The following PCNX1 variants were observed in gnomAD, a reference collection of about 807,000 sequenced individuals.
PCNX1 encodes the protein pecanex 1.
A neutral mutation model predicts 242.2 loss-of-function variants in PCNX1; 78 were observed. The ratio of observed to expected loss-of-function variants is 0.32; its 90% CI spans 0.27 to 0.39. The LOEUF is 0.39. Ranked by LOEUF, PCNX1 falls within the 10% of genes least tolerant of loss-of-function variation. The pLI, the probability that PCNX1 is intolerant of heterozygous loss-of-function variation, is 1.00. For missense variants in PCNX1, 2,581 were observed against 2,856.5 expected (o/e 0.90, Z 2.20); for synonymous variants, 1,024 against 1,032.9 (o/e 0.99, Z 0.17).
chr14:71,033,398 A>C (rs763472867), intron 16 of PCNX1, 31 bp from the exon 17 acceptor site: 1 of 1,059,828 alleles, frequency 9.4e-7, no homozygotes, highest in South Asian at 1.3e-5. Context: ...AATTAGAAGC[A>C]TATTATTCTG....
chr14:70,922,587 A>G (rs1334722969), intron 1 of PCNX1, among the ~76,000 whole-genome samples: 1 of 152,138 alleles, frequency 6.6e-6, no homozygotes, highest in Non-Finnish European at 1.5e-5. Context: ...GGTAGTGTAT[A>G]TATACAAACA....
intron 1 of PCNX1, among the ~76,000 whole-genome samples, chr14:70,931,723 A>G (rs1194544976): frequency 6.6e-6 from 1 of 152,244 alleles, no homozygotes; most frequent in Non-Finnish European, 1.5e-5. Flanking sequence ...CGCAATAAAT[A>G]TGCTAGTGGT....
At chr14:70,925,568 C>CTTTTTTTTT (rs71305848) in intron 1 of PCNX1, among the ~76,000 whole-genome samples, 6 of 106,912 alleles carry the variant, frequency 5.6e-5, no homozygotes, top group Non-Finnish European at 7.5e-5. Context: ...CTTACCTCAT[C>CTTTTTTTTT]TTTTTTTTTT....
At position 71,078,975 on chromosome 14, in the gene PCNX1, T is replaced by C. The variant is rs146672661; in HGVS notation, c.5337+2556T>C. On this transcript the variant is annotated intron_variant, in intron 28 of 35. Transcript: ENST00000304743. ...ATCAACCTGTCATCTACATTAGGTA[T>C]TTCTCCTAAGCTATGCCTCCCATAG... is the stretch of plus-strand genomic sequence containing the variant. Among the ~76,000 whole-genome samples, 399 of 152,234 alleles carry C rather than the reference T, an allele frequency of 2.6e-3. 1 individual carries two copies. Among genetic ancestry groups the C allele is most frequent in the African/African-American group, 9.2e-3 (382 of 41,526 alleles).
chr14:71,058,824 C>T (rs1286059848), intron 26 of PCNX1, among the ~76,000 whole-genome samples: 1 of 152,188 alleles, frequency 6.6e-6, no homozygotes, highest in Non-Finnish European at 1.5e-5. Flanking sequence ...CATTCATATT[C>T]TCTTTTCCTT....
At chr14:70,972,284 T>C (rs2058564857) in intron 5 of PCNX1, among the ~76,000 whole-genome samples, 1 of 147,722 alleles carries the variant, frequency 6.8e-6, no homozygotes, top group African/African-American at 2.5e-5. Context: ...AGTTAGGGGG[T>C]TCAGTTCAGG....
chr14:71,063,782 A>G (rs964329161), intron 26 of PCNX1, among the ~76,000 whole-genome samples: 1 of 152,162 alleles, frequency 6.6e-6, no homozygotes. Context: ...ATATTGAAAC[A>G]AGTTTCTTGA....
intron 14 of PCNX1, 102 bp from the exon 15 acceptor site, chr14:71,026,670 A>G (rs915408615): frequency 1.5e-4 from 78 of 505,334 alleles, no homozygotes; most frequent in Middle Eastern, 5.1e-4. Flanking sequence ...ATTGCTTAGT[A>G]GTTTATGTTA....
At chr14:70,962,630 T>C (rs1317236149) in intron 3 of PCNX1, among the ~76,000 whole-genome samples, 1 of 152,156 alleles carries the variant, frequency 6.6e-6, no homozygotes, top group Non-Finnish European at 1.5e-5. Flanking sequence ...ATCATGTGTA[T>C]TAGAGAGGTG....
Position 71,104,380 on chromosome 14 carries a change from G to A in PCNX1, c.6095+711G>A, listed in dbSNP as rs190641344. 6.4e-4 allele frequency among the ~76,000 whole-genome samples: 97 copies of A among 152,162 alleles called. 2 individuals carry two copies. The highest frequency in any genetic ancestry group is 1.1e-3 in the Non-Finnish European group (73 of 68,012). On this transcript the variant is annotated intron_variant, in intron 32 of 35. Transcript: ENST00000304743. ...ACAGAAGGCACAATATAAGTCAGGG[G>A]AGTGTTCAAAGAAATTTTCTTTCCA... is the stretch of plus-strand genomic sequence containing the variant.
At chr14:71,018,860 G>T in intron 11 of PCNX1, 149 bp from the exon 12 acceptor site, 1 of 544,850 alleles carries the variant, frequency 1.8e-6, no homozygotes, top group East Asian at 3.1e-5. Context: ...TTTGTTTTCA[G>T]TATGATCTAA....
intron 28 of PCNX1, among the ~76,000 whole-genome samples, chr14:71,087,653 C>T (rs976035355): frequency 6.6e-5 from 10 of 152,114 alleles, no homozygotes; most frequent in Non-Finnish European, 1.5e-4. Context: ...TACTGCTGGT[C>T]TTAGGACTAT....
chr14:70,992,054 T>A (rs1035545760), intron 7 of PCNX1, among the ~76,000 whole-genome samples: 2 of 152,144 alleles, frequency 1.3e-5, no homozygotes, highest in African/African-American at 2.4e-5. Flanking sequence ...GTTTCAGAAT[T>A]ATTTTTTAAA....
chr14:71,063,823 T>G (rs1390501149), intron 26 of PCNX1, among the ~76,000 whole-genome samples: 1 of 152,182 alleles, frequency 6.6e-6, no homozygotes, highest in Non-Finnish European at 1.5e-5. Flanking sequence ...TTAAACCCAT[T>G]CATATTTCTC....
At chr14:71,032,451 T>A (rs1401664906) in intron 16 of PCNX1, among the ~76,000 whole-genome samples, 1 of 152,208 alleles carries the variant, frequency 6.6e-6, no homozygotes, top group Non-Finnish European at 1.5e-5. Flanking sequence ...AGTACATATT[T>A]TCAAGGTTAT....
Position 71,105,233 on chromosome 14 carries a change from A to G in PCNX1, c.6096-2A>G. ...GCTTCCTACTCTGGTATTTGTTCCTAGGCTTAGGAAAGGTTGCGGAGCTGG... is the reference window on the plus strand; with the variant it reads ...GCTTCCTACTCTGGTATTTGTTCCTGGGCTTAGGAAAGGTTGCGGAGCTGG... On this transcript the variant is annotated splice_acceptor_variant, in intron 32 of 35. Coordinates refer to ENST00000304743, the MANE Select transcript of PCNX1 (RefSeq NM_014982.3). LOFTEE classifies it high-confidence loss of function. 1 of 1,611,926 alleles carries G rather than the reference A, an allele frequency of 6.2e-7. No homozygotes were observed. The highest frequency in any genetic ancestry group is 8.5e-7 in the Non-Finnish European group (1 of 1,178,072).
chr14:70,966,078 T>C (rs117905745), intron 3 of PCNX1, among the ~76,000 whole-genome samples: 2,783 of 152,328 alleles, frequency 0.018, 41 homozygotes, highest in Middle Eastern at 0.085. Flanking sequence ...AGTGTTTTTC[T>C]ACAGTGACAC....
chr14:71,009,074 C>T (rs1431904240), intron 8 of PCNX1, among the ~76,000 whole-genome samples: 1 of 152,170 alleles, frequency 6.6e-6, no homozygotes, highest in East Asian at 1.9e-4. Flanking sequence ...TCATAGCGCT[C>T]TTGTGGTAGA....
chr14:70,924,240 A>G (rs2140112548), intron 1 of PCNX1, among the ~76,000 whole-genome samples: 1 of 151,608 alleles, frequency 6.6e-6, no homozygotes, highest in Non-Finnish European at 1.5e-5. Context: ...TCAAAAAAAA[A>G]AAAAAAAAAG....
Sources: gnomAD v4.1 joint callset for allele counts (sites outside exome capture counted in the v4.1 genomes callset) on GRCh38, gnomAD v4.1.1 for gene constraint, MANE v1.5 for transcripts, NCBI Gene and HGNC (gene_info 2026-07-23, HGNC 2026-07-21) for gene names.